Variants in RPL8 observed in about 807,000 individuals in gnomAD.
The protein encoded by RPL8 is large ribosomal subunit protein uL2.
For missense variants in RPL8, 248 were observed against 365.9 expected (o/e 0.68, Z 2.63); for synonymous variants, 182 against 143.2 (o/e 1.27, Z -1.94).
Position 144,790,527 on chromosome 8 carries a change from C to T in RPL8, c.500-57G>A, listed in dbSNP as rs993017093. On this transcript the variant is annotated intron_variant, in intron 3 of 4. Transcript: ENST00000528957. ...CAGTCGGTCAGAGCACCCCCACCTC[C>T]CCTCAATCTCCTGTCATGCACCTTC... 3.1e-6 allele frequency: 4 copies of T among 1,273,494 alleles called. No individual in the cohort carries two copies. In the Admixed American group the frequency reaches 6.7e-5, roughly 21 times the overall value. 78.9% of individuals were successfully genotyped at this position (1,273,494 alleles called of 1,614,324 possible). A position where few individuals can be genotyped will look rare whatever the true frequency, so the allele number is the denominator to read the frequency against.
rs112155437 is a variant in RPL8 at position 144,792,195 on chromosome 8, C to T, written c.-66G>A. 9,425 of 1,417,928 alleles carry T rather than the reference C, an allele frequency of 6.6e-3. 55 individuals are homozygous for T. The highest frequency in any genetic ancestry group is 0.013 in the South Asian group (870 of 66,112). The allele number at this position is 1,417,928 out of a possible 1,614,324, so 87.8% of individuals were successfully genotyped here. A position where few individuals can be genotyped will look rare whatever the true frequency, so the allele number is the denominator to read the frequency against. On this transcript the variant is annotated 5_prime_UTR_variant, in exon 1 of 5. Transcript: ENST00000528957. Reference sequence around the variant, plus strand: ...GGCGGCCCGGGTACCCCCGCCAGCCCGGCTTTCCGGGACCCCGCCCCCGAG... The same window carrying T: ...GGCGGCCCGGGTACCCCCGCCAGCCTGGCTTTCCGGGACCCCGCCCCCGAG...
intron 3 of RPL8, 146 bp downstream of exon 3, chr8:144,791,131 C>G: frequency 2.8e-6 from 2 of 712,086 alleles, no homozygotes; most frequent in Non-Finnish European, 4.8e-6. Context: ...ACTGAGACTA[C>G]AGGATGAGCT....
chr8:144,791,530 G>A (rs780778829), intron 2 of RPL8, 35 bp from the exon 3 acceptor site: 25 of 1,603,940 alleles, frequency 1.6e-5, no homozygotes, highest in Admixed American at 3.4e-5. Flanking sequence ...CGTCAGCACA[G>A]TAAGAAACAA....
In RPL8 at chr8:144,792,159, T is replaced by A. The variant is rs995687090; in HGVS notation, c.-30A>T. Reference sequence around the variant, plus strand: ...ACGGGTCCTGGGGGCGACTCACGATTAGCGCGGCCGGGCGGCCCGGGTACC... The same window carrying A: ...ACGGGTCCTGGGGGCGACTCACGATAAGCGCGGCCGGGCGGCCCGGGTACC... On this transcript the variant is annotated 5_prime_UTR_variant, in exon 1 of 5. An upstream open reading frame in the 5' UTR loses its in-frame stop. Transcript: ENST00000528957. 14 of 1,463,432 alleles carry A rather than the reference T, an allele frequency of 9.6e-6. No homozygotes were observed. Among genetic ancestry groups the A allele is most frequent in the Non-Finnish European group, 1.2e-5 (13 of 1,116,098 alleles). The allele number at this position is 1,463,432 out of a possible 1,614,324, so 90.7% of individuals were successfully genotyped here.
Position 144,791,345 on chromosome 8 carries a change from T to C in RPL8, c.431A>G (p.Lys144Arg). The C allele has an allele frequency of 6.2e-7, 1 of 1,613,516 alleles. No individual in the cohort carries two copies. Among genetic ancestry groups the C allele is most frequent in the Non-Finnish European group, 8.5e-7 (1 of 1,179,992 alleles). ...ATVISHNPET[K>R]KTRVKLPSGS... ...GGAGGGCAGCTTCACACGGGTCTTC[T>C]TGGTCTCAGGGTTGTGGGAGATAAC... The change falls in exon 3 of 5, where the codon AAG (lysine) becomes AGG (arginine). Residue 144 changes from lysine (K) to arginine (R), a missense_variant. Physicochemically the swap from Lys to Arg is conservative, Grantham distance 26. Transcript: ENST00000528957.
At chr8:144,791,735 T>G in intron 2 of RPL8, 38 bp downstream of exon 2, 1 of 1,609,520 alleles carries the variant, frequency 6.2e-7, no homozygotes. Context: ...CCCAGACCCC[T>G]CCCCACCCCG....
rs1179006312 is a variant in RPL8 at position 144,789,810 on chromosome 8, C to A, written c.768G>T (p.Glu256Asp). Reference sequence around the variant, plus strand: ...TTTATTGAGGCCCTCAGCACTAGTTCTCTTTCTCCTGCACAGTCTTGGTTC... The same window carrying A: ...TTTATTGAGGCCCTCAGCACTAGTTATCTTTCTCCTGCACAGTCTTGGTTC... ...LRGTKTVQEK[E>D]N The change falls in exon 5 of 5, where the codon GAG becomes GAT. Residue 256 changes from glutamate to aspartate, a missense_variant. Glu to Asp is a conservative substitution (Grantham distance 45). Coordinates refer to ENST00000528957, the MANE Select transcript of RPL8 (RefSeq NM_001317782.2). 2 of 1,613,454 alleles carry A rather than the reference C, an allele frequency of 1.2e-6. No individual in the cohort carries two copies. Among genetic ancestry groups the A allele is most frequent in the South Asian group, 1.1e-5 (1 of 91,044 alleles).
chr8:144,790,217 G>A lies in RPL8; in HGVS notation c.615+138C>T, dbSNP rs548582299. ...GTGCTGGAGCAGGATCAACAGTCCCGTGACTACAAACCACCACCTGCTGCT... is the reference window on the plus strand; with the variant it reads ...GTGCTGGAGCAGGATCAACAGTCCCATGACTACAAACCACCACCTGCTGCT... On this transcript the variant is annotated intron_variant, in intron 4 of 4. Transcript: ENST00000528957. 6.2e-5 allele frequency: 49 copies of A among 790,086 alleles called. No individual in the cohort carries two copies. The East Asian group carries it at 9.5e-4, about 15-fold the overall frequency. The allele number at this position is 790,086 out of a possible 1,614,324, so 48.9% of individuals were successfully genotyped here. A position where few individuals can be genotyped will look rare whatever the true frequency, so the allele number is the denominator to read the frequency against.
chr8:144,791,355 G>T lies in RPL8; in HGVS notation c.421C>A (p.Pro141Thr), dbSNP rs750479253. 6.2e-7 allele frequency: 1 copy of T among 1,613,680 alleles called. No individual in the cohort carries two copies. The highest frequency in any genetic ancestry group is 2.2e-5 in the East Asian group (1 of 44,872). Residue 141 changes from proline (P) to threonine (T), a missense_variant, in exon 3 of 5, where the codon CCT becomes ACT. Physicochemically the swap from Pro to Thr is conservative, Grantham distance 38 (BLOSUM62 -1). Transcript: ENST00000528957. ...TTCACACGGGTCTTCTTGGTCTCAG[G>T]GTTGTGGGAGATAACGGTGGCATAG... The part of the protein sequence containing the change: ...GNYATVISHN[P>T]ETKKTRVKLP...
At position 144,792,339 on chromosome 8, in the gene RPL8, TG is replaced by T; in HGVS notation, c.-211del. 1.3e-6 allele frequency: 1 copy of T among 769,262 alleles called. No individual in the cohort carries two copies. The highest frequency in any genetic ancestry group is 1.8e-6 in the Non-Finnish European group (1 of 547,128). The allele number at this position is 769,262 out of a possible 1,614,324, so 47.7% of individuals were successfully genotyped here. On this transcript the variant is annotated 5_prime_UTR_variant, in exon 1 of 5. Coordinates refer to ENST00000528957, the MANE Select transcript of RPL8 (RefSeq NM_001317782.2). The stretch of plus-strand genomic sequence containing the variant: ...AGAGGATGGCGGCGGATACTGCCCA[TG>T]CCGCAAGGCCGCAAGGATGACCTAC...
Position 144,789,818 on chromosome 8 carries a change from C to T in RPL8, c.760G>A (p.Glu254Lys). The T allele has an allele frequency of 6.2e-7, 1 of 1,613,492 alleles. No homozygotes were observed. The highest frequency in any genetic ancestry group is 8.5e-7 in the Non-Finnish European group (1 of 1,179,862). Residue 254 changes from glutamate (E) to lysine (K), a missense_variant, in exon 5 of 5, where the codon GAG (glutamate) becomes AAG (lysine). By Grantham distance (56) the Glu-to-Lys change is moderately conservative. Transcript: ENST00000528957. ...GRLRGTKTVQ[E>K]KEN ...GGCCCTCAGCACTAGTTCTCTTTCT[C>T]CTGCACAGTCTTGGTTCCCCGGAGA...
chr8:144,791,485 G>A lies in RPL8; in HGVS notation c.291C>T (p.Asn97=), dbSNP rs775384415. ...TGCCCACAGGGAGCACATTGCCAAT[G>A]TTGAGCTGGGCTGCAAGGGGAAGCA... ...FVYCGKKAQL[N]IGNVLPVGTM... Residue 97 remains asparagine (N), a synonymous_variant, in exon 3 of 5, where the codon AAC becomes AAT. Transcript: ENST00000528957. 1.3e-5 allele frequency: 21 copies of A among 1,613,506 alleles called. No individual in the cohort carries two copies. In the Middle Eastern group the frequency reaches 1.2e-3, roughly 88 times the overall value.
intron 2 of RPL8, 58 bp from the exon 3 acceptor site, chr8:144,791,553 C>A (rs189928670): frequency 1.3e-6 from 2 of 1,566,090 alleles, no homozygotes; most frequent in Non-Finnish European, 1.7e-6. Flanking sequence ...CGAACCCCCT[C>A]GCTCTAGGCA....
In RPL8 at chr8:144,792,136, G is replaced by A. The variant is rs1247957071; in HGVS notation, c.-7C>T. The A allele has an allele frequency of 1.3e-6, 2 of 1,494,760 alleles. No homozygotes were observed. The highest frequency in any genetic ancestry group is 4.7e-5 in the Admixed American group (2 of 42,730). The allele number at this position is 1,494,760 out of a possible 1,614,324, so 92.6% of individuals were successfully genotyped here. A position where few individuals can be genotyped will look rare whatever the true frequency, so the allele number is the denominator to read the frequency against. On this transcript the variant is annotated 5_prime_UTR_variant, in exon 1 of 5. Transcript: ENST00000528957. ...CACGGATCACACGGCCCATGGCGAC[G>A]GGTCCTGGGGGCGACTCACGATTAG...
At chr8:144,790,254 A>G in intron 4 of RPL8, 101 bp downstream of exon 4, 1 of 991,382 alleles carries the variant, frequency 1.0e-6, no homozygotes, top group Non-Finnish European at 1.6e-6. Flanking sequence ...CTCCCACCGT[A>G]GATCCCCCTC....
chr8:144,790,493 G>A (rs1444315529), intron 3 of RPL8, 23 bp from the exon 4 acceptor site: 9 of 1,588,480 alleles, frequency 5.7e-6, no homozygotes, highest in South Asian at 2.2e-5. Flanking sequence ...AGATACCTCA[G>A]GGAACCCCCA....
Position 144,792,356 on chromosome 8 carries a change from G to T in RPL8, c.-227C>A. 1.4e-6 allele frequency: 1 copy of T among 706,404 alleles called. No individual in the cohort carries two copies. The highest frequency in any genetic ancestry group is 2.0e-6 in the Non-Finnish European group (1 of 494,196). 43.8% of individuals were successfully genotyped at this position (706,404 alleles called of 1,614,324 possible). A position where few individuals can be genotyped will look rare whatever the true frequency, so the allele number is the denominator to read the frequency against. ...ACTGCCCATGCCGCAAGGCCGCAAG[G>T]ATGACCTACCTGTTCACCAGCGCGG... On this transcript the variant is annotated 5_prime_UTR_variant, in exon 1 of 5. Coordinates refer to ENST00000528957, the MANE Select transcript of RPL8 (RefSeq NM_001317782.2).
chr8:144,791,879 G>C lies in RPL8; in HGVS notation c.174C>G (p.Leu58=). Residue 58 remains leucine (L), a synonymous_variant, in exon 2 of 5, where the codon CTC becomes CTG. Coordinates refer to ENST00000528957, the MANE Select transcript of RPL8 (RefSeq NM_001317782.2). Reference sequence around the variant, plus strand: ...ACGGATCCCGGAAGACCACCTTGGCGAGGGGCGCGCCGCGGCCCGGGTCGT... The same window carrying C: ...ACGGATCCCGGAAGACCACCTTGGCCAGGGGCGCGCCGCGGCCCGGGTCGT... ...IIHDPGRGAP[L]AKVVFRDPYR... The C allele has an allele frequency of 6.2e-7, 1 of 1,613,626 alleles. No homozygotes were observed. Among genetic ancestry groups the C allele is most frequent in the Non-Finnish European group, 8.5e-7 (1 of 1,180,034 alleles).
At position 144,792,169 on chromosome 8, in the gene RPL8, G is replaced by T. The variant is rs113271603; in HGVS notation, c.-40C>A. 6.9e-7 allele frequency: 1 copy of T among 1,449,892 alleles called. No homozygotes were observed. Among genetic ancestry groups the T allele is most frequent in the Non-Finnish European group, 9.0e-7 (1 of 1,109,978 alleles). The allele number at this position is 1,449,892 out of a possible 1,614,324, so 89.8% of individuals were successfully genotyped here. ...GGGGCGACTCACGATTAGCGCGGCCGGGCGGCCCGGGTACCCCCGCCAGCC... is the reference window on the plus strand; with the variant it reads ...GGGGCGACTCACGATTAGCGCGGCCTGGCGGCCCGGGTACCCCCGCCAGCC... On this transcript the variant is annotated 5_prime_UTR_variant, in exon 1 of 5. Coordinates refer to ENST00000528957, the MANE Select transcript of RPL8 (RefSeq NM_001317782.2).
Sources: allele counts gnomAD v4.1 joint callset, GRCh38; gene constraint gnomAD v4.1.1; transcripts MANE v1.5; gene names NCBI Gene and HGNC (gene_info 2026-07-23, HGNC 2026-07-21).